The following MOCOS variants were observed in gnomAD, a reference collection of about 807,000 sequenced individuals.
MOCOS encodes the protein molybdenum cofactor sulfurase, also known as human molybdenum cofactor sulfurase.
A neutral mutation model predicts 83.6 loss-of-function variants in MOCOS; 86 were observed. The ratio of observed to expected loss-of-function variants is 1.03; its 90% confidence interval spans 0.86 to 1.23. MOCOS has a LOEUF of 1.23. Among genes scored for constraint, MOCOS ranks in the 50% most tolerant of loss-of-function variants. MOCOS has a pLI of 0.00. For synonymous variants in MOCOS, 445 were observed against 434.7 expected, an observed-to-expected ratio of 1.02 and a Z score of -0.29; for missense variants, 1,120 against 1,126.9, an observed-to-expected ratio of 0.99 and a Z score of 0.09.
chr18:36,188,430 C>A (rs1421246715), intron 1 of MOCOS, among the ~76,000 whole-genome samples: 2 of 152,240 alleles, frequency 1.3e-5, no homozygotes, highest in African/African-American at 2.4e-5. Flanking sequence ...CTCCATCTGG[C>A]CTTGGCCGAC....
chr18:36,201,663 C>CAAAAAAAAAA (rs200846253), intron 4 of MOCOS, among the ~76,000 whole-genome samples: 14,033 of 67,974 alleles, frequency 0.21, 2,555 homozygotes, highest in Non-Finnish European at 0.22. Flanking sequence ...ACTCCATCTC[C>CAAAAAAAAAA]AAAAAAAAAA....
At chr18:36,189,628 G>T (rs975430961) in intron 1 of MOCOS, among the ~76,000 whole-genome samples, 4 of 152,178 alleles carry the variant, frequency 2.6e-5, no homozygotes, top group African/African-American at 9.7e-5. Context: ...GAACTTCCTT[G>T]CCTTTGTGAA....
chr18:36,198,798 A>C (rs1403721867), intron 3 of MOCOS, 42 bp downstream of exon 3: 11 of 1,599,768 alleles, frequency 6.9e-6, no homozygotes, highest in Non-Finnish European at 9.4e-6. Flanking sequence ...ATACCTAGGC[A>C]GACAGACTTC....
chr18:36,255,104 G>GA (rs993647332), intron 11 of MOCOS, among the ~76,000 whole-genome samples: 2 of 152,078 alleles, frequency 1.3e-5, no homozygotes, highest in Non-Finnish European at 2.9e-5. Context: ...TTAAACGTAA[G>GA]AAAAAAATTA....
chr18:36,190,811 A>C (rs2091362084), intron 1 of MOCOS, among the ~76,000 whole-genome samples: 4 of 151,792 alleles, frequency 2.6e-5, no homozygotes, highest in Admixed American at 2.0e-4. Context: ...AGTGGCTCAT[A>C]CCTGTAATCC....
intron 1 of MOCOS, among the ~76,000 whole-genome samples, chr18:36,194,685 C>T (rs572190294): frequency 3.3e-5 from 5 of 152,348 alleles, no homozygotes; most frequent in Admixed American, 1.3e-4. Context: ...GCTTGTTTCG[C>T]CACAGCTTCA....
At chr18:36,214,112 A>G (rs889256059) in intron 7 of MOCOS, among the ~76,000 whole-genome samples, 3 of 150,596 alleles carry the variant, frequency 2.0e-5, no homozygotes, top group African/African-American at 7.3e-5. Context: ...GTGGTGGTGC[A>G]TGCCTGTAAT....
intron 9 of MOCOS, among the ~76,000 whole-genome samples, chr18:36,230,654 C>G (rs759999578): frequency 6.6e-6 from 1 of 152,196 alleles, no homozygotes; most frequent in Admixed American, 6.5e-5. Flanking sequence ...AGAAGCCAGT[C>G]CTCTAGGGAG....
At chr18:36,235,819 C>G (rs1484304867) in intron 9 of MOCOS, among the ~76,000 whole-genome samples, 1 of 146,172 alleles carries the variant, frequency 6.8e-6, no homozygotes, top group Non-Finnish European at 1.5e-5. Flanking sequence ...TAATGATTGC[C>G]ATTCTAACTG....
rs972039503 is a variant in MOCOS at position 36,269,855 on chromosome 18, T to C, written c.*1170T>C. 2.0e-5 allele frequency: 3 copies of C among 152,196 alleles called. No individual in the cohort carries two copies. The highest frequency in any genetic ancestry group is 7.2e-5 in the African/African-American group (3 of 41,428). 9.4% of individuals were successfully genotyped at this position (152,196 alleles called of 1,614,324 possible). The stretch of plus-strand genomic sequence containing the variant: ...TTTTGAAAGCCTGTGCCACCCCATC[T>C]CTCCTGCTGCTCAGTTGGAGAGCAG... On this transcript the variant is annotated 3_prime_UTR_variant, in exon 15 of 15. Transcript: ENST00000261326.
chr18:36,262,637 TA>T (rs2144155261), intron 13 of MOCOS, among the ~76,000 whole-genome samples: 1 of 152,242 alleles, frequency 6.6e-6, no homozygotes, highest in Admixed American at 6.5e-5. Flanking sequence ...TAGCTGGGAC[TA>T]CAGGCGTGCA....
At chr18:36,212,558 G>A (rs1031662949) in intron 6 of MOCOS, among the ~76,000 whole-genome samples, 1 of 152,190 alleles carries the variant, frequency 6.6e-6, no homozygotes, top group Non-Finnish European at 1.5e-5. Context: ...TGAAGGAACA[G>A]AATTGTTCAT....
At chr18:36,246,049 T>C (rs1435080159) in intron 9 of MOCOS, among the ~76,000 whole-genome samples, 2 of 152,202 alleles carry the variant, frequency 1.3e-5, no homozygotes, top group African/African-American at 4.8e-5. Context: ...TTTAAATTTC[T>C]TTAAATTAGT....
rs901247268 is a variant in MOCOS at position 36,236,976 on chromosome 18, T to G, written c.1961-11946T>G. 6.9e-3 allele frequency among the ~76,000 whole-genome samples: 1,047 copies of G among 152,238 alleles called. 13 individuals carry two copies. Among genetic ancestry groups the G allele is most frequent in the African/African-American group, 0.023 (972 of 41,520 alleles). The stretch of plus-strand genomic sequence containing the variant: ...AGGAATGCTTGTGATTTTTGCACAT[T>G]GATTTTGTATCCTGAGACTTTGCTG... On this transcript the variant is annotated intron_variant, in intron 9 of 14. Coordinates refer to ENST00000261326, the MANE Select transcript of MOCOS (RefSeq NM_017947.4).
At chr18:36,192,373 A>G (rs577432992) in intron 1 of MOCOS, among the ~76,000 whole-genome samples, 5 of 152,358 alleles carry the variant, frequency 3.3e-5, no homozygotes, top group South Asian at 4.1e-4. Context: ...AAAATAATAA[A>G]ATACACAGAA....
intron 13 of MOCOS, 114 bp from the exon 14 acceptor site, chr18:36,266,635 C>T (rs1490144949): frequency 4.2e-5 from 36 of 855,982 alleles, no homozygotes; most frequent in Non-Finnish European, 6.0e-5. Context: ...ACAGGTGCCA[C>T]GTTCTGGCTC....
At chr18:36,198,929 G>A (rs1229000664) in intron 3 of MOCOS, among the ~76,000 whole-genome samples, 173 bp downstream of exon 3, 6 of 152,154 alleles carry the variant, frequency 3.9e-5, no homozygotes, top group Non-Finnish European at 5.9e-5. Flanking sequence ...GAAAGGCAGC[G>A]GTGAGTAGAT....
rs1280618085 is a variant in MOCOS, at chr18:36,215,542, G to A, written c.1362G>A (p.Met454Ile). Residue 454 changes from methionine (M) to isoleucine (I), a missense_variant, in exon 8 of 15, where the codon ATG (methionine) becomes ATA (isoleucine). Physicochemically the swap from Met to Ile is conservative, Grantham distance 10 (BLOSUM62 1). Coordinates refer to ENST00000261326, the MANE Select transcript of MOCOS (RefSeq NM_017947.4). ...CTGGTCATGTCTGTGGGGACAATAT[G>A]GACCTCATAGATGGGCAGCCCACAG... ...FQAGHVCGDN[M>I]DLIDGQPTGS... 3.1e-6 allele frequency: 5 copies of A among 1,613,970 alleles called. No homozygotes were observed. In the African/African-American group the frequency reaches 6.7e-5, roughly 22 times the overall value.
rs895716302 is a variant in MOCOS, at chr18:36,271,337, A to G, written c.*2652A>G. 1.3e-5 allele frequency: 2 copies of G among 152,108 alleles called. No homozygotes were observed. The highest frequency in any genetic ancestry group is 6.5e-5 in the Admixed American group (1 of 15,278). 9.4% of individuals were successfully genotyped at this position (152,108 alleles called of 1,614,324 possible). The stretch of plus-strand genomic sequence containing the variant: ...AAAGCTGCCCCTATTTTTATCATTA[A>G]TTGATTGAATATTAATTAAATATAT... On this transcript the variant is annotated 3_prime_UTR_variant, in exon 15 of 15. Transcript: ENST00000261326.
Sources: allele counts gnomAD v4.1 joint callset (sites outside exome capture counted in the v4.1 genomes callset), GRCh38; gene constraint gnomAD v4.1.1; transcripts MANE v1.5; gene names NCBI Gene and HGNC (gene_info 2026-07-23, HGNC 2026-07-21).